ANO2: variants seen among roughly 807,000 people sequenced by gnomAD.
ANO2 encodes anoctamin-2.
In ANO2, 101 loss-of-function variants were observed where a neutral mutation model predicts 124.2. That is an observed-to-expected ratio of 0.81 (90% CI 0.69 to 0.96). The LOEUF is 0.96. ANO2 is among the 40% of genes least tolerant of loss of function. ANO2 has a pLI of 0.00. For missense variants in ANO2, 1,293 were observed against 1,274.5 expected (o/e 1.01, Z -0.22); for synonymous variants, 486 against 482.5 (o/e 1.01, Z -0.09).
chr12:5,924,169 T>C (rs866597049), intron 1 of ANO2, among the ~76,000 whole-genome samples: 1 of 152,238 alleles, frequency 6.6e-6, no homozygotes. Flanking sequence ...TCCAGTCTGT[T>C]GAAACAGAAC....
chr12:5,796,451 C>T (rs1952857329), intron 10 of ANO2, among the ~76,000 whole-genome samples: 1 of 149,126 alleles, frequency 6.7e-6, no homozygotes, highest in Admixed American at 6.8e-5. Context: ...CACTCACACA[C>T]ACACCCACTC....
chr12:5,922,638 C>G lies in ANO2; in HGVS notation c.189G>C (p.Glu63Asp), dbSNP rs1941763453. The change falls in exon 2 of 25, where the codon GAG becomes GAC. Residue 63 changes from glutamate to aspartate, a missense_variant. Physicochemically the swap from Glu to Asp is conservative, Grantham distance 45. Coordinates refer to ENST00000682330, the MANE Select transcript of ANO2 (RefSeq NM_001364791.2). ...TACTCACAGAGCTGCTGCGGGTGCT[C>G]TCTCCACCGCAGGGCTGGCCAGGAT... is the stretch of plus-strand genomic sequence containing the variant. The part of the protein sequence containing the change: ...NRDPGQPCGG[E>D]STRSSSVINN... 6.7e-7 allele frequency: 1 copy of G among 1,492,278 alleles called. No homozygotes were observed. Among genetic ancestry groups the G allele is most frequent in the Admixed American group, 2.0e-5 (1 of 49,496 alleles). The allele number at this position is 1,492,278 out of a possible 1,614,324, so 92.4% of individuals were successfully genotyped here. A position where few individuals can be genotyped will look rare whatever the true frequency, so the allele number is the denominator to read the frequency against.
intron 14 of ANO2, among the ~76,000 whole-genome samples, chr12:5,699,411 C>T (rs561573275): frequency 6.6e-6 from 1 of 152,052 alleles, no homozygotes; most frequent in African/African-American, 2.4e-5. Flanking sequence ...TTGTCACCAC[C>T]AGGCCTGCCT....
intron 23 of ANO2, among the ~76,000 whole-genome samples, chr12:5,570,466 AAAAAG>A: frequency 6.6e-6 from 1 of 152,176 alleles, no homozygotes; most frequent in African/African-American, 2.4e-5. Context: ...GTTTAAAAAA[AAAAAG>A]AAAAGAATCT....
intron 14 of ANO2, among the ~76,000 whole-genome samples, chr12:5,678,969 T>A (rs987949709): frequency 6.6e-6 from 1 of 152,214 alleles, no homozygotes; most frequent in East Asian, 1.9e-4. Flanking sequence ...ATAGCTCACA[T>A]CAATGCCAGC....
At position 5,925,844 on chromosome 12, in the gene ANO2, T is replaced by A. The variant is rs1465032997; in HGVS notation, c.23-3040A>T. ...GTTGAGGAGATGGATGTCGTAAGGC[T>A]GGGGCCTGGGCCTTTCTCCACGTTC... is the stretch of plus-strand genomic sequence containing the variant. On this transcript the variant is annotated intron_variant, in intron 1 of 24. Coordinates refer to ENST00000682330, the MANE Select transcript of ANO2 (RefSeq NM_001364791.2). This position sits in a 1 kb window ranked among gnomAD's most constrained non-coding sequence, Gnocchi z 4.6. Among the ~76,000 whole-genome samples the A allele has an allele frequency of 1.3e-5, 2 of 152,222 alleles. No individual in the cohort carries two copies. Among genetic ancestry groups the A allele is most frequent in the Non-Finnish European group, 2.9e-5 (2 of 68,036 alleles).
intron 20 of ANO2, among the ~76,000 whole-genome samples, chr12:5,583,538 A>G (rs1300590703): frequency 6.7e-6 from 1 of 150,112 alleles, no homozygotes; most frequent in East Asian, 2.0e-4. Flanking sequence ...CTGTAGTCCC[A>G]GCTACTCGGG....
chr12:5,797,997 T>A (rs1309113229), intron 10 of ANO2, among the ~76,000 whole-genome samples: 5 of 151,826 alleles, frequency 3.3e-5, no homozygotes, highest in African/African-American at 1.2e-4. Flanking sequence ...TGGCAGCGAG[T>A]CACCTGAAGT....
chr12:5,583,522 G>A (rs1222605282), intron 20 of ANO2, among the ~76,000 whole-genome samples: 4 of 150,770 alleles, frequency 2.7e-5, no homozygotes, highest in African/African-American at 4.9e-5. Context: ...GCGCAGTGGC[G>A]GGCGCCTGTA....
intron 3 of ANO2, among the ~76,000 whole-genome samples, chr12:5,916,761 G>T (rs985051933): frequency 1.3e-5 from 2 of 150,834 alleles, no homozygotes; most frequent in East Asian, 1.9e-4. Context: ...TTTCCAGAAC[G>T]ACGATGCCTT....
intron 1 of ANO2, among the ~76,000 whole-genome samples, chr12:5,927,926 G>A (rs1396122215): frequency 2.0e-5 from 3 of 152,208 alleles, no homozygotes; most frequent in Non-Finnish European, 4.4e-5. Flanking sequence ...GGAGGGGCAG[G>A]CACAGAATGT....
intron 1 of ANO2, among the ~76,000 whole-genome samples, chr12:5,940,678 T>C (rs183375427): frequency 6.6e-6 from 1 of 152,366 alleles, no homozygotes; most frequent in African/African-American, 2.4e-5. Flanking sequence ...GGTGGGAATG[T>C]AAAATGGTAC....
At chr12:5,732,881 G>A (rs373503152) in intron 13 of ANO2, 66 of 1,613,786 alleles carry the variant, frequency 4.1e-5, no homozygotes, top group Non-Finnish European at 5.3e-5. Context: ...CACGTTCCTG[G>A]GGATAGCGCC....
chr12:5,685,145 T>C (rs897853382), intron 14 of ANO2, among the ~76,000 whole-genome samples: 1 of 152,172 alleles, frequency 6.6e-6, no homozygotes, highest in African/African-American at 2.4e-5. Flanking sequence ...TGTCCACTCC[T>C]GGGCTGGTGA....
At chr12:5,714,242 T>A (rs1949930861) in intron 14 of ANO2, among the ~76,000 whole-genome samples, 1 of 152,194 alleles carries the variant, frequency 6.6e-6, no homozygotes, top group South Asian at 2.1e-4. Context: ...AATCTCTGCT[T>A]ATGTGTCCGA....
intron 20 of ANO2, among the ~76,000 whole-genome samples, chr12:5,583,275 G>A (rs1433142560): frequency 6.6e-6 from 1 of 152,142 alleles, no homozygotes; most frequent in Non-Finnish European, 1.5e-5. Flanking sequence ...TGCTGCAATC[G>A]GCACAGAAGA....
chr12:5,609,034 C>T (rs1417218705), intron 19 of ANO2: 7 of 152,204 alleles, frequency 4.6e-5, no homozygotes, highest in Non-Finnish European at 1.0e-4. Flanking sequence ...GAGCTGGCCT[C>T]ATGGTTTCAA....
chr12:5,664,316 C>A (rs1947594014), intron 14 of ANO2, among the ~76,000 whole-genome samples: 1 of 152,024 alleles, frequency 6.6e-6, no homozygotes, highest in Admixed American at 6.6e-5. Flanking sequence ...TCTATCTACC[C>A]ATCTTTCCAT....
chr12:5,565,902 C>T (rs1941722206), intron 23 of ANO2, among the ~76,000 whole-genome samples: 1 of 152,206 alleles, frequency 6.6e-6, no homozygotes, highest in Non-Finnish European at 1.5e-5. Flanking sequence ...TTTCTACTAC[C>T]CTCTCCAATA....
Sources: allele counts gnomAD v4.1 joint callset (sites outside exome capture counted in the v4.1 genomes callset), GRCh38; gene constraint gnomAD v4.1.1; non-coding constraint Gnocchi (gnomAD v3.1); transcripts MANE v1.5; gene names NCBI Gene and HGNC (gene_info 2026-07-23, HGNC 2026-07-21).